Variants in NDST3 observed in about 807,000 individuals in gnomAD.
The protein encoded by NDST3 is N-deacetylase and N-sulfotransferase 3.
In NDST3, 58 loss-of-function variants were observed where a neutral mutation model predicts 96.1. The observed-to-expected ratio is 0.60, with a 90% confidence interval of 0.49 to 0.75. The LOEUF is 0.75. Among genes scored for constraint, NDST3 ranks in the 30% least tolerant of loss-of-function variants. The probability of loss-of-function intolerance (pLI) is 0.00; values close to 1 mark genes in which losing one functional copy is unlikely to be tolerated. For missense variants in NDST3, 788 were observed against 1,034.2 expected, an observed-to-expected ratio of 0.76 and a Z score of 3.27; for synonymous variants, 333 against 359.7, an observed-to-expected ratio of 0.93 and a Z score of 0.84.
intron 4 of NDST3, among the ~76,000 whole-genome samples, chr4:118,134,053 C>T (rs1732868626): frequency 6.6e-6 from 1 of 152,184 alleles, no homozygotes; most frequent in Non-Finnish European, 1.5e-5. Context: ...ATGTCGACTT[C>T]ATTTAGATTG....
chr4:118,057,504 A>C (rs1233847362), intron 2 of NDST3, among the ~76,000 whole-genome samples: 1 of 152,058 alleles, frequency 6.6e-6, no homozygotes, highest in Admixed American at 6.6e-5. Flanking sequence ...TAGAATATTG[A>C]GGAAAATCAT....
chr4:118,155,839 A>T (rs1734677784), intron 6 of NDST3, among the ~76,000 whole-genome samples: 2 of 152,152 alleles, frequency 1.3e-5, no homozygotes, highest in Non-Finnish European at 2.9e-5. Flanking sequence ...TTTTTATTTG[A>T]CCTCCATAGT....
At chr4:118,240,805 A>G (rs1183082478) in intron 11 of NDST3, 111 bp downstream of exon 11, 33 of 1,016,314 alleles carry the variant, frequency 3.2e-5, no homozygotes, top group Non-Finnish European at 9.9e-6. Context: ...TTTCCTCTTT[A>G]GTTGTAAATA....
intron 2 of NDST3, among the ~76,000 whole-genome samples, chr4:118,077,623 A>G (rs1994384): frequency 6.6e-6 from 1 of 151,964 alleles, no homozygotes; most frequent in Non-Finnish European, 1.5e-5. Context: ...CAGGTAATAT[A>G]CTTGCCCAGC....
chr4:118,050,001 C>G lies in NDST3; in HGVS notation c.-155-3755C>G, dbSNP rs553336074. Among the ~76,000 whole-genome samples, 136 of 152,170 alleles carry G rather than the reference C, an allele frequency of 8.9e-4. 2 individuals are homozygous for G. Among genetic ancestry groups the G allele is most frequent in the African/African-American group, 3.1e-3 (128 of 41,560 alleles). On this transcript the variant is annotated intron_variant, in intron 1 of 13. Coordinates refer to ENST00000296499, the MANE Select transcript of NDST3 (RefSeq NM_004784.3). ...AATTCTCAACCAAATACTAGGAAAA[C>G]AAATCCAGCAGCACATCAAAAATTT... is the stretch of plus-strand genomic sequence containing the variant.
At chr4:118,210,346 A>C (rs1445196855) in intron 6 of NDST3, among the ~76,000 whole-genome samples, 1 of 152,184 alleles carries the variant, frequency 6.6e-6, no homozygotes, top group African/African-American at 2.4e-5. Flanking sequence ...GAGATTGGCT[A>C]AAGTGGTATC....
intron 6 of NDST3, among the ~76,000 whole-genome samples, chr4:118,191,599 T>C (rs188870966): frequency 1.3e-4 from 20 of 152,306 alleles, no homozygotes; most frequent in Admixed American, 2.6e-4. Flanking sequence ...TTTGTGGGTA[T>C]ATAGTAGGTG....
At chr4:118,238,894 G>A (rs1740850386) in intron 10 of NDST3, among the ~76,000 whole-genome samples, 1 of 152,138 alleles carries the variant, frequency 6.6e-6, no homozygotes, top group African/African-American at 2.4e-5. Context: ...GATACGTAAG[G>A]GGATACATTT....
At chr4:118,168,427 G>A (rs1019254003) in intron 6 of NDST3, among the ~76,000 whole-genome samples, 2 of 151,978 alleles carry the variant, frequency 1.3e-5, no homozygotes, top group African/African-American at 4.8e-5. Flanking sequence ...TGAGAATGTA[G>A]AGAAATTTAC....
At chr4:118,154,956 C>CA (rs994845066) in intron 6 of NDST3, among the ~76,000 whole-genome samples, 2 of 151,502 alleles carry the variant, frequency 1.3e-5, no homozygotes, top group Non-Finnish European at 2.9e-5. Flanking sequence ...GGTTAAAAAG[C>CA]AAAAAAATAG....
At chr4:118,153,015 C>A (rs923450854) in intron 6 of NDST3, among the ~76,000 whole-genome samples, 1 of 152,198 alleles carries the variant, frequency 6.6e-6, no homozygotes, top group Non-Finnish European at 1.5e-5. Context: ...TATGACTGAG[C>A]AACGGCTACC....
chr4:118,173,188 C>A lies in NDST3; in HGVS notation c.1539+29504C>A, dbSNP rs563188403. ...TATATGATAAAATAAGATATATACACATCTTATTTTACCCTAGCAGCAATT... is the reference window on the plus strand; with the variant it reads ...TATATGATAAAATAAGATATATACAAATCTTATTTTACCCTAGCAGCAATT... On this transcript the variant is annotated intron_variant, in intron 6 of 13. Transcript: ENST00000296499. Among the ~76,000 whole-genome samples, 6 of 151,812 alleles carry A rather than the reference C, an allele frequency of 4.0e-5. No homozygotes were observed. In the East Asian group the frequency reaches 1.2e-3, roughly 29 times the overall value.
At chr4:118,040,889 A>T (rs536594173) in intron 1 of NDST3, among the ~76,000 whole-genome samples, 1 of 144,542 alleles carries the variant, frequency 6.9e-6, no homozygotes, top group Admixed American at 7.0e-5. Flanking sequence ...ATATTTATAT[A>T]TATATATATT....
At chr4:118,113,999 T>C (rs1730850564) in intron 3 of NDST3, among the ~76,000 whole-genome samples, 1 of 151,926 alleles carries the variant, frequency 6.6e-6, no homozygotes, top group Non-Finnish European at 1.5e-5. Context: ...TTTCCCACAG[T>C]CAACTGAACT....
intron 6 of NDST3, among the ~76,000 whole-genome samples, chr4:118,163,236 C>A (rs1372790250): frequency 6.6e-6 from 1 of 152,034 alleles, no homozygotes; most frequent in Non-Finnish European, 1.5e-5. Flanking sequence ...TTTGACCCAG[C>A]CATCCCATTA....
intron 6 of NDST3, among the ~76,000 whole-genome samples, chr4:118,164,817 A>G (rs1309903086): frequency 6.6e-6 from 1 of 152,196 alleles, no homozygotes; most frequent in Non-Finnish European, 1.5e-5. Context: ...ATAGAGTTTT[A>G]TATCCAATTG....
rs371721469 is a variant in NDST3, at chr4:118,105,001, T to A, written c.982-17T>A. 5.0e-5 allele frequency: 80 copies of A among 1,606,188 alleles called. No homozygotes were observed. In the African/African-American group the frequency reaches 9.2e-4, roughly 19 times the overall value. Reference sequence around the variant, plus strand: ...GCCATTCTTTACCTGATACATTTTTTAAATTATGTATTTCAGGCCCTGCTT... The same window carrying A: ...GCCATTCTTTACCTGATACATTTTTAAAATTATGTATTTCAGGCCCTGCTT... On this transcript the variant is annotated splice_polypyrimidine_tract_variant and intron_variant, in intron 2 of 13. Coordinates refer to ENST00000296499, the MANE Select transcript of NDST3 (RefSeq NM_004784.3).
chr4:118,075,411 C>G (rs1317706782), intron 2 of NDST3, among the ~76,000 whole-genome samples: 1 of 152,056 alleles, frequency 6.6e-6, no homozygotes, highest in South Asian at 2.1e-4. Context: ...GGGTATATAC[C>G]CAGTAATGGG....
At chr4:118,168,925 G>A (rs1221712441) in intron 6 of NDST3, among the ~76,000 whole-genome samples, 3 of 152,136 alleles carry the variant, frequency 2.0e-5, no homozygotes, top group Admixed American at 6.5e-5. Context: ...TGAAACAGTC[G>A]AACTCATAAA....
Sources: allele counts gnomAD v4.1 joint callset (sites outside exome capture counted in the v4.1 genomes callset), GRCh38; gene constraint gnomAD v4.1.1; transcripts MANE v1.5; gene names NCBI Gene and HGNC (gene_info 2026-07-23, HGNC 2026-07-21).